The following PIGC variants were observed in gnomAD, a reference collection of about 807,000 sequenced individuals.
PIGC encodes the protein phosphatidylinositol N-acetylglucosaminyltransferase subunit C.
A neutral mutation model predicts 20.9 loss-of-function variants in PIGC; 14 were observed. That is an observed-to-expected ratio of 0.67 (90% CI 0.44 to 1.05). The LOEUF (loss-of-function observed/expected upper bound fraction) is 1.05, where lower values mean the gene tolerates loss of function less well. PIGC is among the 50% of genes least tolerant of loss of function. The probability of loss-of-function intolerance (pLI) is 0.00; values close to 1 mark genes in which losing one functional copy is unlikely to be tolerated. For synonymous variants in PIGC, 132 were observed against 141.4 expected, an observed-to-expected ratio of 0.93 and a Z score of 0.47; for missense variants, 310 against 360.9, an observed-to-expected ratio of 0.86 and a Z score of 1.14.
rs1171527495 is a variant in PIGC at position 172,442,618 on chromosome 1, T to C, written c.5A>G (p.Tyr2Cys). Reference protein sequence around the residue: MYAQPVTNTKEV... With the variant: MCAQPVTNTKEV... Reference sequence around the variant, plus strand: ...CTTGGTGTTAGTCACAGGTTGAGCATACATTATCCTTTCATTCAAACTCAG... The same window carrying C: ...CTTGGTGTTAGTCACAGGTTGAGCACACATTATCCTTTCATTCAAACTCAG... The change falls in exon 2 of 2, where the codon TAT becomes TGT. Residue 2 changes from tyrosine to cysteine, a missense_variant. By Grantham distance (194) the Tyr-to-Cys change is radical. Coordinates refer to ENST00000344529, the MANE Select transcript of PIGC (RefSeq NM_153747.2). 6.2e-7 allele frequency: 1 copy of C among 1,605,844 alleles called. No homozygotes were observed. The highest frequency in any genetic ancestry group is 8.5e-7 in the Non-Finnish European group (1 of 1,172,896).
At position 172,441,802 on chromosome 1, in the gene PIGC, A is replaced by G; in HGVS notation, c.821T>C (p.Leu274Pro). ...AGGCCCATGAATGTTTTCTTTAAAA[A>G]GCTGCAAGCGAATGAGGTAGAATGG... ...LCPFYLIRLQLFKENIHGPWD... is the reference protein window; with the variant it reads ...LCPFYLIRLQPFKENIHGPWD... Residue 274 changes from leucine (L) to proline (P), a missense_variant, in exon 2 of 2, where the codon CTT (leucine) becomes CCT (proline). Coordinates refer to ENST00000344529, the MANE Select transcript of PIGC (RefSeq NM_153747.2). 1 of 1,610,304 alleles carries G rather than the reference A, an allele frequency of 6.2e-7. No individual in the cohort carries two copies. Among genetic ancestry groups the G allele is most frequent in the Admixed American group, 1.7e-5 (1 of 59,246 alleles).
Position 172,444,018 on chromosome 1 carries a change from G to A in PIGC, c.-239C>T. 2.0e-6 allele frequency: 2 copies of A among 1,000,182 alleles called. No individual in the cohort carries two copies. Among genetic ancestry groups the A allele is most frequent in the Non-Finnish European group, 2.4e-6 (2 of 830,188 alleles). 62.0% of individuals were successfully genotyped at this position (1,000,182 alleles called of 1,614,324 possible). A position where few individuals can be genotyped will look rare whatever the true frequency, so the allele number is the denominator to read the frequency against. ...AGTTCCTAGGGTTGCGCAGCTGGGG[G>A]ACGGCGGCACCCAGCCTTTTTCCCG... On this transcript the variant is annotated 5_prime_UTR_variant, in exon 1 of 2. Coordinates refer to ENST00000344529, the MANE Select transcript of PIGC (RefSeq NM_153747.2).
intron 1 of PIGC, 88 bp downstream of exon 1, chr1:172,443,900 G>A: frequency 1.1e-6 from 1 of 950,294 alleles, no homozygotes; most frequent in Non-Finnish European, 1.3e-6. Context: ...CACTTCCGCC[G>A]CCGCCCCTCA....
chr1:172,442,381 G>A lies in PIGC; in HGVS notation c.242C>T (p.Ala81Val), dbSNP rs776080992. ...IWWYMDEGLL[A>V]PHWLLGTGLA... ...ACCAGTCCCTAAAAGCCAATGGGGGGCCAGAAGACCCTCATCCATATACCA... is the reference window on the plus strand; with the variant it reads ...ACCAGTCCCTAAAAGCCAATGGGGGACCAGAAGACCCTCATCCATATACCA... Residue 81 changes from alanine (A) to valine (V), a missense_variant, in exon 2 of 2, where the codon GCC becomes GTC. Physicochemically the swap from Ala to Val is moderately conservative, Grantham distance 64. Coordinates refer to ENST00000344529, the MANE Select transcript of PIGC (RefSeq NM_153747.2). 1 of 1,613,350 alleles carries A rather than the reference G, an allele frequency of 6.2e-7. No individual in the cohort carries two copies. Among genetic ancestry groups the A allele is most frequent in the South Asian group, 1.1e-5 (1 of 91,038 alleles).
Position 172,442,752 on chromosome 1 carries a change from CTTTCCTTGT to C in PIGC, c.-139_-131del, listed in dbSNP as rs1573855770. On this transcript the variant is annotated 5_prime_UTR_variant, in exon 2 of 2. Transcript: ENST00000344529. Reference sequence around the variant, plus strand: ...CATGCTGTGTTGATGTTCTACCAACCTTTCCTTGTTTTCAAAGGCAGGGGCTAGGCCTAC... The same window carrying C: ...CATGCTGTGTTGATGTTCTACCAACCTTTCAAAGGCAGGGGCTAGGCCTAC... 2 of 808,946 alleles carry C rather than the reference CTTTCCTTGT, an allele frequency of 2.5e-6. No individual in the cohort carries two copies. Among genetic ancestry groups the C allele is most frequent in the East Asian group, 4.9e-5 (2 of 40,556 alleles). 50.1% of individuals were successfully genotyped at this position (808,946 alleles called of 1,614,324 possible). A position where few individuals can be genotyped will look rare whatever the true frequency, so the allele number is the denominator to read the frequency against.
intron 1 of PIGC, chr1:172,443,248 C>T (rs551479235): frequency 6.0e-6 from 1 of 167,348 alleles, no homozygotes; most frequent in East Asian, 1.9e-4. Flanking sequence ...CAGTTCTTAA[C>T]TCAGTGGTTC....
At position 172,442,773 on chromosome 1, in the gene PIGC, G is replaced by A; in HGVS notation, c.-151C>T. ...CAACCTTTCCTTGTTTTCAAAGGCAGGGGCTAGGCCTACAATAGATGAATT... is the reference window on the plus strand; with the variant it reads ...CAACCTTTCCTTGTTTTCAAAGGCAAGGGCTAGGCCTACAATAGATGAATT... On this transcript the variant is annotated 5_prime_UTR_variant, in exon 2 of 2. Transcript: ENST00000344529. The A allele has an allele frequency of 1.5e-6, 1 of 687,598 alleles. No homozygotes were observed. The highest frequency in any genetic ancestry group is 2.6e-6 in the Non-Finnish European group (1 of 391,854). 42.6% of individuals were successfully genotyped at this position (687,598 alleles called of 1,614,324 possible).
Position 172,444,043 on chromosome 1 carries a change from G to T in PIGC, c.-264C>A, listed in dbSNP as rs751194993. Reference sequence around the variant, plus strand: ...GACGGCGGCACCCAGCCTTTTTCCCGCTTCGGGGCGCCGGGGCTGCGACTG... The same window carrying T: ...GACGGCGGCACCCAGCCTTTTTCCCTCTTCGGGGCGCCGGGGCTGCGACTG... On this transcript the variant is annotated 5_prime_UTR_variant, in exon 1 of 2. Transcript: ENST00000344529. 2.6e-5 allele frequency: 26 copies of T among 999,654 alleles called. No individual in the cohort carries two copies. The highest frequency in any genetic ancestry group is 3.1e-5 in the Non-Finnish European group (26 of 830,220). 61.9% of individuals were successfully genotyped at this position (999,654 alleles called of 1,614,324 possible).
chr1:172,441,657 T>G lies in PIGC; in HGVS notation c.*72A>C. The G allele has an allele frequency of 1.6e-6, 2 of 1,281,016 alleles. No homozygotes were observed. Among genetic ancestry groups the G allele is most frequent in the Non-Finnish European group, 2.1e-6 (2 of 935,996 alleles). 79.4% of individuals were successfully genotyped at this position (1,281,016 alleles called of 1,614,324 possible). ...ACATGCTGCTTCCAGAATGGAACTC[T>G]GTCTTTAAGTTCTATACTAGTTAGG... On this transcript the variant is annotated 3_prime_UTR_variant, in exon 2 of 2. Transcript: ENST00000344529.
At position 172,441,718 on chromosome 1, in the gene PIGC, GA is replaced by G. The variant is rs1647323512; in HGVS notation, c.*10del. On this transcript the variant is annotated 3_prime_UTR_variant, in exon 2 of 2. Coordinates refer to ENST00000344529, the MANE Select transcript of PIGC (RefSeq NM_153747.2). ...ATCAGCTTGCTTTAATAATGTAATG[GA>G]TGTCCTAATTTAACTGAGGAACCTG... The G allele has an allele frequency of 5.9e-6, 9 of 1,527,436 alleles. No individual in the cohort carries two copies. In the Admixed American group the frequency reaches 8.6e-5, roughly 15 times the overall value. 94.6% of individuals were successfully genotyped at this position (1,527,436 alleles called of 1,614,324 possible). A position where few individuals can be genotyped will look rare whatever the true frequency, so the allele number is the denominator to read the frequency against.
intron 1 of PIGC, 168 bp downstream of exon 1, chr1:172,443,820 T>G (rs1375866740): frequency 6.5e-6 from 2 of 306,280 alleles, no homozygotes; most frequent in Non-Finnish European, 1.0e-5. Context: ...GGGGACGGGG[T>G]AGGGTAGGGT....
chr1:172,441,658 G>A lies in PIGC; in HGVS notation c.*71C>T. 1 of 1,293,298 alleles carries A rather than the reference G, an allele frequency of 7.7e-7. No individual in the cohort carries two copies. Among genetic ancestry groups the A allele is most frequent in the South Asian group, 1.6e-5 (1 of 61,466 alleles). The allele number at this position is 1,293,298 out of a possible 1,614,324, so 80.1% of individuals were successfully genotyped here. ...CATGCTGCTTCCAGAATGGAACTCT[G>A]TCTTTAAGTTCTATACTAGTTAGGA... On this transcript the variant is annotated 3_prime_UTR_variant, in exon 2 of 2. Coordinates refer to ENST00000344529, the MANE Select transcript of PIGC (RefSeq NM_153747.2).
rs146481462 is a variant in PIGC at position 172,442,234 on chromosome 1, G to A, written c.389C>T (p.Thr130Ile). The A allele has an allele frequency of 6.9e-5, 111 of 1,613,970 alleles. 1 individual carries two copies. In the African/African-American group the frequency reaches 1.3e-3, roughly 19 times the overall value. ...CTTCAGCACTGGTGAAAACCCATAA[G>A]TGAAAGTAATGAAGACTAGGGCACT... Reference protein sequence around the residue: ...LKSALVFITFTYGFSPVLKTL... With the variant: ...LKSALVFITFIYGFSPVLKTL... The change falls in exon 2 of 2, where the codon ACT becomes ATT. Residue 130 changes from threonine to isoleucine, a missense_variant. Transcript: ENST00000344529.
chr1:172,442,698 G>A lies in PIGC; in HGVS notation c.-76C>T. The A allele has an allele frequency of 1.6e-6, 2 of 1,281,970 alleles. No homozygotes were observed. The highest frequency in any genetic ancestry group is 2.2e-6 in the Non-Finnish European group (2 of 907,872). 79.4% of individuals were successfully genotyped at this position (1,281,970 alleles called of 1,614,324 possible). A position where few individuals can be genotyped will look rare whatever the true frequency, so the allele number is the denominator to read the frequency against. On this transcript the variant is annotated 5_prime_UTR_variant, in exon 2 of 2. Transcript: ENST00000344529. ...CCAGGTGGTTCTTGTTCTTTATGAAGTTTTGAAATGAGACCTCCCTGGAAA... is the reference window on the plus strand; with the variant it reads ...CCAGGTGGTTCTTGTTCTTTATGAAATTTTGAAATGAGACCTCCCTGGAAA...
Position 172,441,951 on chromosome 1 carries a change from A to G in PIGC, c.672T>C (p.Thr224=). 1 of 1,614,200 alleles carries G rather than the reference A, an allele frequency of 6.2e-7. No homozygotes were observed. Among genetic ancestry groups the G allele is most frequent in the Non-Finnish European group, 8.5e-7 (1 of 1,180,024 alleles). Reference sequence around the variant, plus strand: ...GTGTGACCCCCACATAGCTCCGGGGAGTACATGCCTTTAGTTTCTTCTGCA... The same window carrying G: ...GTGTGACCCCCACATAGCTCCGGGGGGTACATGCCTTTAGTTTCTTCTGCA... ...PMLQKKLKAC[T]PRSYVGVTLL... Residue 224 remains threonine (T), a synonymous_variant, in exon 2 of 2, where the codon ACT becomes ACC. Coordinates refer to ENST00000344529, the MANE Select transcript of PIGC (RefSeq NM_153747.2).
rs1573853428 is a variant in PIGC, at chr1:172,441,915, T to G, written c.708A>C (p.Ala236=). 1.2e-6 allele frequency: 2 copies of G among 1,613,988 alleles called. No individual in the cohort carries two copies. Among genetic ancestry groups the G allele is most frequent in the Admixed American group, 3.3e-5 (2 of 60,014 alleles). ...RSYVGVTLLF[A]FSAVGGLLSI... ...ACAGTAGGCCTCCCACGGCTGAAAA[T>G]GCAAAAAGCAGTGTGACCCCCACAT... The change falls in exon 2 of 2, where the codon GCA becomes GCC. Residue 236 remains alanine, a synonymous_variant. Coordinates refer to ENST00000344529, the MANE Select transcript of PIGC (RefSeq NM_153747.2).
In PIGC at chr1:172,442,359, A is replaced by C. The variant is rs144080324; in HGVS notation, c.264T>G (p.Thr88=). The C allele has an allele frequency of 1.2e-6, 2 of 1,613,286 alleles. No individual in the cohort carries two copies. The highest frequency in any genetic ancestry group is 2.2e-5 in the South Asian group (2 of 91,046). ...ACCCAATCAGTGAAGAAGCCAGACC[A>C]GTCCCTAAAAGCCAATGGGGGGCCA... is the stretch of plus-strand genomic sequence containing the variant. ...GLLAPHWLLG[T]GLASSLIGYV... is the part of the protein sequence containing the mutation. Residue 88 remains threonine, a synonymous_variant, in exon 2 of 2, where the codon ACT becomes ACG. Transcript: ENST00000344529.
chr1:172,442,001 G>T lies in PIGC; in HGVS notation c.622C>A (p.Gln208Lys). 4.3e-6 allele frequency: 7 copies of T among 1,614,232 alleles called. No individual in the cohort carries two copies. The highest frequency in any genetic ancestry group is 5.9e-6 in the Non-Finnish European group (7 of 1,180,046). The change falls in exon 2 of 2, where the codon CAG becomes AAG. Residue 208 changes from glutamine (Q) to lysine (K), a missense_variant. By Grantham distance (53) the Gln-to-Lys change is moderately conservative. Coordinates refer to ENST00000344529, the MANE Select transcript of PIGC (RefSeq NM_153747.2). Reference protein sequence around the residue: ...HAFIMVTFAIQIFALWPMLQK... With the variant: ...HAFIMVTFAIKIFALWPMLQK... Reference sequence around the variant, plus strand: ...AACATGGGCCACAGGGCAAAAATCTGAATGGCAAATGTCACCATGATGAAG... The same window carrying T: ...AACATGGGCCACAGGGCAAAAATCTTAATGGCAAATGTCACCATGATGAAG...
In PIGC at chr1:172,441,959, C is replaced by G. The variant is rs1363968507; in HGVS notation, c.664G>C (p.Ala222Pro). The stretch of plus-strand genomic sequence containing the variant: ...CCCACATAGCTCCGGGGAGTACATG[C>G]CTTTAGTTTCTTCTGCAACATGGGC... ...LWPMLQKKLK[A>P]CTPRSYVGVT... The change falls in exon 2 of 2, where the codon GCA becomes CCA. Residue 222 changes from alanine (A) to proline (P), a missense_variant. Physicochemically the swap from Ala to Pro is conservative, Grantham distance 27. Transcript: ENST00000344529. The G allele has an allele frequency of 6.2e-7, 1 of 1,614,072 alleles. No homozygotes were observed. Among genetic ancestry groups the G allele is most frequent in the Admixed American group, 1.7e-5 (1 of 60,002 alleles).
Sources: allele counts gnomAD v4.1 joint callset, GRCh38; gene constraint gnomAD v4.1.1; transcripts MANE v1.5; gene names NCBI Gene and HGNC (gene_info 2026-07-23, HGNC 2026-07-21).